SVOP: variants seen among roughly 807,000 people sequenced by gnomAD.
The protein encoded by SVOP is synaptic vesicle 2-related protein.
SVOP carries 17 observed loss-of-function variants against 69.1 expected under a neutral mutation model. The observed-to-expected ratio is 0.25, with a 90% CI of 0.17 to 0.37. SVOP has a LOEUF of 0.37. Among genes scored for constraint, SVOP ranks in the 10% least tolerant of loss-of-function variants. The pLI, the probability that SVOP is intolerant of heterozygous loss-of-function variation, is 1.00. For synonymous variants in SVOP, 238 were observed against 238.6 expected (o/e 1.00, Z 0.02); for missense variants, 435 against 597.5 (o/e 0.73, Z 2.84).
chr12:109,020,846 A>C lies in SVOP; in HGVS notation c.23T>G (p.Leu8Arg). 1 of 691,384 alleles carries C rather than the reference A, an allele frequency of 1.4e-6. No homozygotes were observed. Among genetic ancestry groups the C allele is most frequent in the Non-Finnish European group, 2.7e-6 (1 of 373,974 alleles). 42.8% of individuals were successfully genotyped at this position (691,384 alleles called of 1,614,324 possible). Residue 8 changes from leucine (L) to arginine (R), a missense_variant, in exon 1 of 16, where the codon CTA (leucine) becomes CGA (arginine). Leu to Arg is a moderately radical substitution (Grantham distance 102). Transcript: ENST00000610966. ...CCATGATACTCACGGCAGCTGCCTT[A>C]GCTGGAATAAGTCCTCCTCCATGTC... The part of the protein sequence containing the change: MEEDLFQ[L>R]RQLPVVKFRR...
chr12:108,908,967 C>T lies in SVOP; in HGVS notation c.*3568G>A, dbSNP rs889689957. ...CTGCCAGGGGACTTCCTTTTCTAAC[C>T]AAAACCAACAGACTCTTCTGAAAGA... On this transcript the variant is annotated 3_prime_UTR_variant, in exon 16 of 16. Coordinates refer to ENST00000610966, the MANE Select transcript of SVOP (RefSeq NM_018711.5). The T allele has an allele frequency of 6.6e-6, 1 of 152,182 alleles. No individual in the cohort carries two copies. The highest frequency in any genetic ancestry group is 6.5e-5 in the Admixed American group (1 of 15,270). 9.4% of individuals were successfully genotyped at this position (152,182 alleles called of 1,614,324 possible).
chr12:108,982,999 T>C (rs1251064205), intron 2 of SVOP, among the ~76,000 whole-genome samples: 3 of 148,354 alleles, frequency 2.0e-5, no homozygotes, highest in South Asian at 4.4e-4. Context: ...ATCATTATCA[T>C]TGTCACCATC....
chr12:108,953,782 T>C (rs993645501), intron 6 of SVOP, among the ~76,000 whole-genome samples: 6 of 152,148 alleles, frequency 3.9e-5, no homozygotes, highest in Admixed American at 2.6e-4. Flanking sequence ...TTCTGCAATT[T>C]TGTTTCTAGT....
At chr12:108,997,996 G>A (rs1468729530) in intron 1 of SVOP, among the ~76,000 whole-genome samples, 1 of 149,592 alleles carries the variant, frequency 6.7e-6, no homozygotes, top group African/African-American at 2.5e-5. Context: ...GAAGGCTTCA[G>A]ACGATCAAAT....
rs993210050 is a variant in SVOP, at chr12:108,945,176, T to A, written c.579-10A>T. On this transcript the variant is annotated splice_polypyrimidine_tract_variant and intron_variant, in intron 6 of 15. Coordinates refer to ENST00000610966, the MANE Select transcript of SVOP (RefSeq NM_018711.5). ...GGCATACAGCGTCACCCTGGGAATGTAAAAGGGAAAGAAAGGGAGTTAAGA... is the reference window on the plus strand; with the variant it reads ...GGCATACAGCGTCACCCTGGGAATGAAAAAGGGAAAGAAAGGGAGTTAAGA... The A allele has an allele frequency of 6.5e-7, 1 of 1,536,866 alleles. No homozygotes were observed. The highest frequency in any genetic ancestry group is 1.4e-5 in the African/African-American group (1 of 72,984).
At chr12:108,963,745 A>G (rs550311733) in intron 5 of SVOP, among the ~76,000 whole-genome samples, 113 of 152,160 alleles carry the variant, frequency 7.4e-4, no homozygotes, top group African/African-American at 2.6e-3. Context: ...GGACTCAAAC[A>G]ATCCACCCAC....
Position 108,912,429 on chromosome 12 carries a change from TTGGG to T in SVOP, c.*102_*105del. On this transcript the variant is annotated 3_prime_UTR_variant, in exon 16 of 16. Coordinates refer to ENST00000610966, the MANE Select transcript of SVOP (RefSeq NM_018711.5). ...AACCCTGTTGGTCCAGGTCATACTC[TTGGG>T]TGAGTTCTTGATGTCGGCAGTGACA... 6.4e-7 allele frequency: 1 copy of T among 1,564,202 alleles called. No homozygotes were observed. Among genetic ancestry groups the T allele is most frequent in the South Asian group, 1.2e-5 (1 of 82,822 alleles).
intron 1 of SVOP, among the ~76,000 whole-genome samples, chr12:109,001,192 T>G (rs1316792225): frequency 3.4e-5 from 2 of 59,608 alleles, no homozygotes; most frequent in African/African-American, 5.2e-5. Flanking sequence ...AAATCATGAG[T>G]GAACTCCCAT....
At chr12:108,956,298 TCTC>T (rs1186302679) in intron 6 of SVOP, among the ~76,000 whole-genome samples, 11 of 64,610 alleles carry the variant, frequency 1.7e-4, no homozygotes, top group Admixed American at 8.8e-4. Context: ...CGAGATTCCG[TCTC>T]AAAAAAAAAA....
At position 108,912,588 on chromosome 12, in the gene SVOP, G is replaced by A. The variant is rs751699856; in HGVS notation, c.1594C>T (p.Arg532Ter). The A allele has an allele frequency of 1.2e-6, 2 of 1,613,782 alleles. No individual in the cohort carries two copies. The highest frequency in any genetic ancestry group is 1.7e-6 in the Non-Finnish European group (2 of 1,179,822). ...HREWGQEMVG[R>*]GMHGAGVTRS... is the part of the protein sequence containing the mutation. ...GTAACACCTGCACCGTGCATTCCTC[G>A]GCCGACCATCTCCTGGCCCCACTCC... Residue 532 changes from arginine to a stop codon, truncating the protein, a stop_gained, in exon 16 of 16, where the codon CGA (arginine) becomes TGA (stop). Transcript: ENST00000610966. LOFTEE classifies it high-confidence loss of function.
chr12:108,961,077 G>A (rs533587579), intron 5 of SVOP, 30 bp from the exon 6 acceptor site: 3 of 1,527,070 alleles, frequency 2.0e-6, no homozygotes, highest in African/African-American at 2.7e-5. Flanking sequence ...GGAATCACAA[G>A]GGCTTTTCAG....
chr12:108,916,955 C>T (rs2039717834), intron 14 of SVOP, among the ~76,000 whole-genome samples: 1 of 152,182 alleles, frequency 6.6e-6, no homozygotes, highest in Non-Finnish European at 1.5e-5. Context: ...CCATGTTACC[C>T]AGGTTGGTCT....
In SVOP at chr12:108,913,636, C is replaced by T. The variant is rs989878004; in HGVS notation, c.1441-895G>A. Among the ~76,000 whole-genome samples the T allele has an allele frequency of 3.9e-5, 6 of 152,270 alleles. No homozygotes were observed. In the South Asian group the frequency reaches 1.0e-3, roughly 26 times the overall value. ...AGCTTTTGGCACATGGCAAACAACA[C>T]GGCAGAGCTGAGTCCCATTTTCTTT... On this transcript the variant is annotated intron_variant, in intron 15 of 15. Coordinates refer to ENST00000610966, the MANE Select transcript of SVOP (RefSeq NM_018711.5).
chr12:108,923,393 C>A lies in SVOP; in HGVS notation c.1049-596G>T, dbSNP rs537225610. On this transcript the variant is annotated intron_variant, in intron 11 of 15. Coordinates refer to ENST00000610966, the MANE Select transcript of SVOP (RefSeq NM_018711.5). Reference sequence around the variant, plus strand: ...GGGAGCCTCTAGTTGCTGAGGGCAGCCTCAGTTGACAGCCAGCAAGAATTT... The same window carrying A: ...GGGAGCCTCTAGTTGCTGAGGGCAGACTCAGTTGACAGCCAGCAAGAATTT... Among the ~76,000 whole-genome samples the A allele has an allele frequency of 9.9e-5, 15 of 152,254 alleles. 1 individual carries two copies. The highest frequency in any genetic ancestry group is 3.6e-4 in the African/African-American group (15 of 41,544).
chr12:108,925,581 G>C (rs2039775534), intron 11 of SVOP, among the ~76,000 whole-genome samples: 1 of 152,154 alleles, frequency 6.6e-6, no homozygotes, highest in African/African-American at 2.4e-5. Context: ...ATGACACATA[G>C]AGTAAAAGCC....
intron 6 of SVOP, among the ~76,000 whole-genome samples, chr12:108,950,557 A>AT (rs972816217): frequency 6.6e-6 from 1 of 151,024 alleles, no homozygotes; most frequent in Non-Finnish European, 1.5e-5. Flanking sequence ...TAATTTTTGT[A>AT]TTTTTTGTAG....
At chr12:108,978,967 C>A (rs1402620068) in intron 2 of SVOP, among the ~76,000 whole-genome samples, 1 of 151,950 alleles carries the variant, frequency 6.6e-6, no homozygotes, top group Non-Finnish European at 1.5e-5. Context: ...CAACAGTTAA[C>A]AAGAATGTGC....
intron 7 of SVOP, among the ~76,000 whole-genome samples, chr12:108,943,440 C>CA (rs200858363): frequency 6.7e-5 from 10 of 150,348 alleles, no homozygotes; most frequent in Admixed American, 2.7e-4. Context: ...ACTAAAAATA[C>CA]AAAAAAAAAT....
chr12:108,983,566 C>G, intron 2 of SVOP, 35 bp downstream of exon 2: 1 of 398,796 alleles, frequency 2.5e-6, no homozygotes, highest in Non-Finnish European at 4.4e-6. Context: ...TTGACCGTGG[C>G]CCAGGCTGAT....
Sources: allele counts gnomAD v4.1 joint callset (sites outside exome capture counted in the v4.1 genomes callset), GRCh38; gene constraint gnomAD v4.1.1; transcripts MANE v1.5; gene names NCBI Gene and HGNC (gene_info 2026-07-23, HGNC 2026-07-21).